Variants in TMEM68 observed in about 807,000 individuals in gnomAD.
TMEM68 encodes DGAT1/2-independent enzyme synthesizing storage lipids.
In TMEM68, 25 loss-of-function variants were observed where a neutral mutation model predicts 36.9. That is an observed-to-expected ratio of 0.68 (90% CI 0.49 to 0.95). The LOEUF (loss-of-function observed/expected upper bound fraction) is 0.95. Ranked by LOEUF, TMEM68 falls within the 40% of genes least tolerant of loss-of-function variation. TMEM68 has a pLI of 0.00. For missense variants in TMEM68, 333 were observed against 392.0 expected (o/e 0.85, Z 1.27); for synonymous variants, 131 against 124.4 (o/e 1.05, Z -0.35).
intron 7 of TMEM68, among the ~76,000 whole-genome samples, chr8:55,741,720 C>T (rs1810108042): frequency 6.6e-6 from 1 of 152,066 alleles, no homozygotes; most frequent in Non-Finnish European, 1.5e-5. Context: ...GAAAAGAGTC[C>T]AGGAAAACCA....
At chr8:55,768,188 C>T (rs181579172) in intron 1 of TMEM68, among the ~76,000 whole-genome samples, 1 of 150,770 alleles carries the variant, frequency 6.6e-6, no homozygotes, top group Non-Finnish European at 1.5e-5. Context: ...TTTTACAACA[C>T]AAAGGAAACT....
rs1242043691 is a variant in TMEM68, at chr8:55,739,140, AT to A, written c.*991del. 2 of 152,610 alleles carry A rather than the reference AT, an allele frequency of 1.3e-5. No individual in the cohort carries two copies. The highest frequency in any genetic ancestry group is 2.9e-5 in the Non-Finnish European group (2 of 68,040). The allele number at this position is 152,610 out of a possible 1,614,324, so 9.5% of individuals were successfully genotyped here. ...TAAAAACAAAACAAAACATAAATAA[AT>A]TCATCATTCAAGTATATTTTTATTG... On this transcript the variant is annotated 3_prime_UTR_variant, in exon 8 of 8. Coordinates refer to ENST00000434581, the MANE Select transcript of TMEM68 (RefSeq NM_001286657.2).
chr8:55,771,465 C>G, intron 1 of TMEM68, among the ~76,000 whole-genome samples: 1 of 121,410 alleles, frequency 8.2e-6, no homozygotes, highest in Admixed American at 8.3e-5. Flanking sequence ...CACACACACA[C>G]AAAATTAGGC....
At chr8:55,744,526 C>A (rs985530878) in intron 6 of TMEM68, among the ~76,000 whole-genome samples, 1 of 151,688 alleles carries the variant, frequency 6.6e-6, no homozygotes, top group South Asian at 2.1e-4. Context: ...CCAGGATGGT[C>A]TCAATCTCCT....
At chr8:55,740,319 C>T (rs1284964334) in intron 7 of TMEM68, 101 bp from the exon 8 acceptor site, 2 of 799,434 alleles carry the variant, frequency 2.5e-6, no homozygotes, top group South Asian at 3.7e-5. Flanking sequence ...TCTCAGTACA[C>T]CTGAAGCTTA....
intron 4 of TMEM68, among the ~76,000 whole-genome samples, chr8:55,752,890 G>T (rs1415699903): frequency 2.0e-5 from 3 of 151,726 alleles, no homozygotes; most frequent in Non-Finnish European, 2.9e-5. Context: ...ATGCCTGGCT[G>T]ATTTTTTTAT....
intron 5 of TMEM68, among the ~76,000 whole-genome samples, chr8:55,750,714 A>G (rs567259943): frequency 1.3e-4 from 20 of 151,730 alleles, no homozygotes; most frequent in Non-Finnish European, 2.9e-4. Context: ...TAATTTTTGT[A>G]TTTTTAGTAC....
chr8:55,757,665 C>T (rs1810648215), intron 3 of TMEM68, among the ~76,000 whole-genome samples: 1 of 152,040 alleles, frequency 6.6e-6, no homozygotes, highest in Non-Finnish European at 1.5e-5. Flanking sequence ...ACTCCCCTGC[C>T]CCACACACTC....
Position 55,762,708 on chromosome 8 carries a change from G to A in TMEM68, c.252C>T (p.Tyr84=), listed in dbSNP as rs1410500314. The A allele has an allele frequency of 3.1e-6, 5 of 1,614,084 alleles. No individual in the cohort carries two copies. The highest frequency in any genetic ancestry group is 4.2e-6 in the Non-Finnish European group (5 of 1,180,036). ...TTGCACCATCCCATAAATTATGAGA[G>A]TAGGCTTCTTTCAATACATTCTTTC... ...YKRKNVLKEA[Y]SHNLWDGARK... is the part of the protein sequence containing the mutation. Residue 84 remains tyrosine, a synonymous_variant, in exon 3 of 8, where the codon TAC becomes TAT. Transcript: ENST00000434581.
intron 5 of TMEM68, chr8:55,747,806 A>G (rs1810327922): frequency 6.6e-6 from 1 of 152,226 alleles, no homozygotes; most frequent in Non-Finnish European, 1.5e-5. Flanking sequence ...TAGTTATAAA[A>G]TGTCTTTATA....
Position 55,751,062 on chromosome 8 carries a change from G to T in TMEM68, c.589C>A (p.Pro197Thr). 1.2e-6 allele frequency: 2 copies of T among 1,614,024 alleles called. No homozygotes were observed. Among genetic ancestry groups the T allele is most frequent in the Non-Finnish European group, 1.7e-6 (2 of 1,179,986 alleles). Residue 197 changes from proline (P) to threonine (T), a missense_variant, in exon 5 of 8, where the codon CCA becomes ACA. Coordinates refer to ENST00000434581, the MANE Select transcript of TMEM68 (RefSeq NM_001286657.2). ...ATTAGGGCTTCTCGAACTCCACCTG[G>T]TGAGATAGCTAACAAGTGGCCACTC... ...LRSGHLLAIS[P>T]GGVREALISD...
intron 5 of TMEM68, chr8:55,747,797 A>T (rs1164142378): frequency 6.6e-6 from 1 of 152,234 alleles, no homozygotes; most frequent in Non-Finnish European, 1.5e-5. Context: ...TGTTTTAAAT[A>T]GTTATAAAAT....
At chr8:55,740,339 C>A in intron 7 of TMEM68, 121 bp from the exon 8 acceptor site, 1 of 693,494 alleles carries the variant, frequency 1.4e-6, no homozygotes, top group South Asian at 2.3e-5. Flanking sequence ...ATATATTTCT[C>A]TTTTTTATAG....
chr8:55,746,543 C>T (rs894669657), intron 5 of TMEM68: 2 of 151,966 alleles, frequency 1.3e-5, no homozygotes, highest in East Asian at 1.9e-4. Flanking sequence ...TAAAAATATA[C>T]ATAATATACT....
At chr8:55,760,453 G>A (rs749483744) in intron 3 of TMEM68, among the ~76,000 whole-genome samples, 12 of 152,188 alleles carry the variant, frequency 7.9e-5, no homozygotes, top group Non-Finnish European at 1.6e-4. Flanking sequence ...TAGAGTGGTT[G>A]TAATAGGAAA....
At chr8:55,745,190 C>G in intron 5 of TMEM68, 69 bp from the exon 6 acceptor site, 1 of 1,029,450 alleles carries the variant, frequency 9.7e-7, no homozygotes, top group Non-Finnish European at 1.3e-6. Flanking sequence ...ATTAGAGTAA[C>G]TAATGCAAAC....
intron 1 of TMEM68, among the ~76,000 whole-genome samples, chr8:55,770,291 T>A (rs1696699733): frequency 2.0e-5 from 3 of 152,238 alleles, no homozygotes; most frequent in Non-Finnish European, 4.4e-5. Context: ...GATTGCAATT[T>A]CTGTCTTCCC....
intron 5 of TMEM68, among the ~76,000 whole-genome samples, chr8:55,748,335 CT>C (rs1322722407): frequency 3.3e-5 from 5 of 152,030 alleles, no homozygotes; most frequent in Non-Finnish European, 7.4e-5. Context: ...ACCCGACTAA[CT>C]TTTTTGTGTG....
chr8:55,765,823 C>T (rs939533109), intron 1 of TMEM68, among the ~76,000 whole-genome samples: 2 of 152,194 alleles, frequency 1.3e-5, no homozygotes, highest in African/African-American at 4.8e-5. Context: ...TACTGGAATA[C>T]TGGCTTTACA....
Sources: allele counts gnomAD v4.1 joint callset (sites outside exome capture counted in the v4.1 genomes callset), GRCh38; gene constraint gnomAD v4.1.1; transcripts MANE v1.5; gene names NCBI Gene and HGNC (gene_info 2026-07-23, HGNC 2026-07-21).